The following MSRA variants were observed in gnomAD, a reference collection of about 807,000 sequenced individuals.
MSRA encodes the protein mitochondrial peptide methionine sulfoxide reductase.
In MSRA, 54 loss-of-function variants were observed where a neutral mutation model predicts 31.3. The observed-to-expected ratio is 1.73, with a 90% CI of 1.39 to 2.17. MSRA has a LOEUF of 2.17. MSRA is among the 30% of genes most tolerant of loss of function. The probability of loss-of-function intolerance (pLI) is 0.00; values close to 1 mark genes in which losing one functional copy is unlikely to be tolerated. For synonymous variants in MSRA, 169 were observed against 116.5 expected (o/e 1.45, Z -2.90); for missense variants, 507 against 300.9 (o/e 1.69, Z -5.07).
chr8:10,293,435 C>T (rs151240261), intron 3 of MSRA, among the ~76,000 whole-genome samples: 8 of 152,328 alleles, frequency 5.3e-5, no homozygotes, highest in South Asian at 4.1e-4. Context: ...TCCCGGTATG[C>T]GTGTGACTGC....
intron 5 of MSRA, among the ~76,000 whole-genome samples, chr8:10,423,209 G>C (rs1009294964): frequency 2.0e-5 from 3 of 152,178 alleles, no homozygotes; most frequent in Admixed American, 1.3e-4. Flanking sequence ...CTCCTCTCCA[G>C]CTCTCCTGAC....
intron 1 of MSRA, among the ~76,000 whole-genome samples, chr8:10,182,464 G>A (rs1260411070): frequency 6.6e-6 from 1 of 152,234 alleles, no homozygotes; most frequent in East Asian, 1.9e-4. Flanking sequence ...CCCTCAAGAT[G>A]TTAGATAAGG....
intron 5 of MSRA, among the ~76,000 whole-genome samples, chr8:10,421,400 C>G (rs1282315086): frequency 6.6e-6 from 1 of 152,196 alleles, no homozygotes; most frequent in Non-Finnish European, 1.5e-5. Context: ...GTCCTGGTCT[C>G]CACTCTGGGC....
At chr8:10,060,384 CTT>C (rs34122578) in intron 1 of MSRA, among the ~76,000 whole-genome samples, 4 of 152,168 alleles carry the variant, frequency 2.6e-5, no homozygotes, top group African/African-American at 9.7e-5. Context: ...AGTATGCTAA[CTT>C]TTCTGTGAAC....
chr8:10,122,859 CATG>C (rs1801226937), intron 1 of MSRA, among the ~76,000 whole-genome samples: 1 of 152,186 alleles, frequency 6.6e-6, no homozygotes, highest in Non-Finnish European at 1.5e-5. Flanking sequence ...CTGCGAAAGA[CATG>C]ATGTCGTTCT....
intron 3 of MSRA, among the ~76,000 whole-genome samples, chr8:10,265,877 G>T (rs1037822078): frequency 3.3e-5 from 5 of 152,102 alleles, no homozygotes; most frequent in African/African-American, 1.2e-4. Flanking sequence ...TTCTTTTTGT[G>T]CCTGGCTTCT....
chr8:10,164,544 A>G (rs975733591), intron 1 of MSRA, among the ~76,000 whole-genome samples: 5 of 152,220 alleles, frequency 3.3e-5, no homozygotes, highest in African/African-American at 1.2e-4. Context: ...ATATTTAATA[A>G]ACAACCCAAT....
intron 1 of MSRA, among the ~76,000 whole-genome samples, chr8:10,071,769 G>A (rs1383745729): frequency 1.3e-5 from 2 of 152,146 alleles, no homozygotes; most frequent in African/African-American, 4.8e-5. Context: ...CCAAGGGAAG[G>A]CTGGCACTCC....
chr8:10,055,185 C>G (rs960216524), intron 1 of MSRA, among the ~76,000 whole-genome samples: 5 of 151,948 alleles, frequency 3.3e-5, no homozygotes, highest in Non-Finnish European at 5.9e-5. Context: ...CACCCCTAGT[C>G]ACCCCTCGTG....
chr8:10,383,320 G>C (rs1806190608), intron 5 of MSRA, among the ~76,000 whole-genome samples: 1 of 152,188 alleles, frequency 6.6e-6, no homozygotes, highest in South Asian at 2.1e-4. Flanking sequence ...GGGTGCATGG[G>C]GTCCTGCAAT....
At chr8:10,162,863 C>T (rs946210680) in intron 1 of MSRA, among the ~76,000 whole-genome samples, 67 of 152,280 alleles carry the variant, frequency 4.4e-4, no homozygotes, top group East Asian at 9.7e-4. Context: ...GAGCCCTCCC[C>T]GCCTCAGCCA....
chr8:10,168,317 A>C (rs1256648827), intron 1 of MSRA, among the ~76,000 whole-genome samples: 1 of 152,088 alleles, frequency 6.6e-6, no homozygotes, highest in African/African-American at 2.4e-5. Flanking sequence ...TCTAAACAGT[A>C]TCTCTCTCTA....
chr8:10,424,871 C>A (rs1338705353), intron 5 of MSRA, among the ~76,000 whole-genome samples: 1 of 152,228 alleles, frequency 6.6e-6, no homozygotes, highest in Non-Finnish European at 1.5e-5. Flanking sequence ...TAACTTAATG[C>A]TGTCACTTGT....
intron 1 of MSRA, among the ~76,000 whole-genome samples, chr8:10,131,297 G>C (rs1182230287): frequency 6.6e-6 from 1 of 152,132 alleles, no homozygotes; most frequent in Admixed American, 6.5e-5. Flanking sequence ...TGGAAATTTC[G>C]CCACAGAAGA....
At position 10,055,478 on chromosome 8, in the gene MSRA, CAG is replaced by C. The variant is rs569004727; in HGVS notation, c.142+823_142+824del. 1.5e-3 allele frequency among the ~76,000 whole-genome samples: 232 copies of C among 152,338 alleles called. 2 individuals are homozygous for C. The highest frequency in any genetic ancestry group is 4.4e-3 in the African/African-American group (181 of 41,580). Reference sequence around the variant, plus strand: ...AATATTACCTTAGTGCAGCGCTTCTCAGAGTGCCCCCACCTGCCGCAGCAGCA... The same window carrying C: ...AATATTACCTTAGTGCAGCGCTTCTCAGTGCCCCCACCTGCCGCAGCAGCA... On this transcript the variant is annotated intron_variant, in intron 1 of 5. Coordinates refer to ENST00000317173, the MANE Select transcript of MSRA (RefSeq NM_012331.5).
chr8:10,198,717 G>A (rs1019313853), intron 1 of MSRA, among the ~76,000 whole-genome samples: 4 of 152,156 alleles, frequency 2.6e-5, no homozygotes, highest in African/African-American at 4.8e-5. Context: ...TCTAACTACT[G>A]GGCTCAAATG....
intron 1 of MSRA, among the ~76,000 whole-genome samples, chr8:10,157,806 C>T (rs370769185): frequency 5.3e-5 from 8 of 152,192 alleles, no homozygotes; most frequent in African/African-American, 1.9e-4. Context: ...CCCCATCTCC[C>T]TGTCTCTCTC....
At chr8:10,092,204 A>C (rs74748881) in intron 1 of MSRA, among the ~76,000 whole-genome samples, 1 of 151,760 alleles carries the variant, frequency 6.6e-6, no homozygotes, top group Non-Finnish European at 1.5e-5. Flanking sequence ...TAATTTCCAT[A>C]TATTTGTGAT....
In MSRA at chr8:10,338,813, C is replaced by G. The variant is rs142145292; in HGVS notation, c.543+18824C>G. Among the ~76,000 whole-genome samples, 10 of 152,264 alleles carry G rather than the reference C, an allele frequency of 6.6e-5. No individual in the cohort carries two copies. In the East Asian group the frequency reaches 1.9e-3, roughly 29 times the overall value. Reference sequence around the variant, plus strand: ...CAACTTCAGACAAATAATTTCCTAACCTGCAAAACTGAGCTAGCAACCCTT... The same window carrying G: ...CAACTTCAGACAAATAATTTCCTAAGCTGCAAAACTGAGCTAGCAACCCTT... On this transcript the variant is annotated intron_variant, in intron 5 of 5. Coordinates refer to ENST00000317173, the MANE Select transcript of MSRA (RefSeq NM_012331.5).
Sources: allele counts gnomAD v4.1 joint callset (sites outside exome capture counted in the v4.1 genomes callset), GRCh38; gene constraint gnomAD v4.1.1; transcripts MANE v1.5; gene names NCBI Gene and HGNC (gene_info 2026-07-23, HGNC 2026-07-21).